RIMS2: variants seen among roughly 807,000 people sequenced by gnomAD.
RIMS2 encodes regulating synaptic membrane exocytosis protein 2.
RIMS2 carries 59 observed loss-of-function variants against 174.4 expected under a neutral mutation model. The observed-to-expected ratio is 0.34, with a 90% CI of 0.27 to 0.42. The LOEUF (loss-of-function observed/expected upper bound fraction) is 0.42. Ranked by LOEUF, RIMS2 falls within the 10% of genes least tolerant of loss-of-function variation. RIMS2 has a pLI of 1.00. For missense variants in RIMS2, 1,620 were observed against 1,666.3 expected (o/e 0.97, Z 0.48); for synonymous variants, 606 against 572.5 (o/e 1.06, Z -0.84).
Position 104,114,805 on chromosome 8 carries a change from A to G in RIMS2, c.3334+100190A>G, listed in dbSNP as rs28373733. On this transcript the variant is annotated intron_variant, in intron 19 of 23. Coordinates refer to ENST00000504942, the Ensembl canonical transcript of RIMS2. ...AATATGCTTACAGTATTTTTATTCA[A>G]TTTTTATAATCATTTAAGTTTTTCA... 5.3e-3 allele frequency among the ~76,000 whole-genome samples: 804 copies of G among 152,082 alleles called. 6 individuals are homozygous for G. The highest frequency in any genetic ancestry group is 0.018 in the African/African-American group (732 of 41,570).
intron 19 of RIMS2, among the ~76,000 whole-genome samples, chr8:104,169,577 T>C (rs1392644672): frequency 6.6e-6 from 1 of 151,898 alleles, no homozygotes; most frequent in African/African-American, 2.4e-5. Context: ...TCTCTTCTTT[T>C]CTTGGTTATT....
chr8:104,097,469 A>G (rs77214923), intron 19 of RIMS2, among the ~76,000 whole-genome samples: 1 of 152,290 alleles, frequency 6.6e-6, no homozygotes, highest in African/African-American at 2.4e-5. Flanking sequence ...ACCAGTAGTC[A>G]CTTTCTTGCA....
At chr8:104,098,263 TA>T (rs1237647080) in intron 19 of RIMS2, among the ~76,000 whole-genome samples, 1 of 152,176 alleles carries the variant, frequency 6.6e-6, no homozygotes, top group Non-Finnish European at 1.5e-5. Flanking sequence ...TTAAAAAGTT[TA>T]ATGAAATTAA....
downstream of RIMS2, chr8:104,252,773 A>G (rs367554661): frequency 6.6e-6 from 1 of 152,206 alleles, no homozygotes; most frequent in East Asian, 1.9e-4. Flanking sequence ...ATTTATTTCC[A>G]TGTTAAATAT....
exon 9 of RIMS2, chr8:103,918,474 A>C (rs766227824): frequency 7.3e-5 from 117 of 1,606,156 alleles, no homozygotes; most frequent in Non-Finnish European, 9.4e-5. Flanking sequence ...GCACACATGC[A>C]CAACTGGAGT....
At chr8:103,754,388 A>C (rs931897941) in intron 2 of RIMS2, among the ~76,000 whole-genome samples, 1 of 152,316 alleles carries the variant, frequency 6.6e-6, no homozygotes, top group Non-Finnish European at 1.5e-5. Flanking sequence ...TGTGGTGCTG[A>C]GAAGAATGTA....
intron 17 of RIMS2, among the ~76,000 whole-genome samples, chr8:104,001,041 T>C (rs2095363420): frequency 6.6e-6 from 1 of 151,952 alleles, no homozygotes; most frequent in African/African-American, 2.4e-5. Context: ...TATTGTTTTC[T>C]AAACTGTACA....
intron 3 of RIMS2, among the ~76,000 whole-genome samples, chr8:103,825,383 G>C (rs2098782863): frequency 6.6e-6 from 1 of 151,472 alleles, no homozygotes; most frequent in African/African-American, 2.4e-5. Context: ...AAGCTCAAGT[G>C]ATCCTCCCAC....
intron 17 of RIMS2, among the ~76,000 whole-genome samples, chr8:103,997,245 G>T (rs181430763): frequency 2.4e-3 from 365 of 151,850 alleles, no homozygotes; most frequent in Non-Finnish European, 4.3e-3. Flanking sequence ...TTATTTTTAG[G>T]ATTAAGTGCA....
intron 19 of RIMS2, among the ~76,000 whole-genome samples, chr8:104,042,793 G>A (rs897703077): frequency 6.6e-6 from 1 of 151,528 alleles, no homozygotes; most frequent in African/African-American, 2.4e-5. Flanking sequence ...TGGAATTCAG[G>A]AGAGAAGTCT....
intron 1 of RIMS2, among the ~76,000 whole-genome samples, chr8:103,558,790 C>A (rs1246664052): frequency 2.0e-5 from 3 of 151,886 alleles, no homozygotes; most frequent in Admixed American, 1.3e-4. Flanking sequence ...AATGGCTGAC[C>A]CAAACAATAT....
chr8:103,588,823 G>A lies in RIMS2; in HGVS notation c.176+87761G>A, dbSNP rs183210008. The stretch of plus-strand genomic sequence containing the variant: ...TGAAACTACCACAAGAAAACATTGG[G>A]GAAGATATTTAGGATATTGGTCTGG... On this transcript the variant is annotated intron_variant, in intron 1 of 23. Coordinates refer to ENST00000504942, the Ensembl canonical transcript of RIMS2. Among the ~76,000 whole-genome samples, 135 of 151,852 alleles carry A rather than the reference G, an allele frequency of 8.9e-4. 1 individual carries two copies. The highest frequency in any genetic ancestry group is 2.9e-3 in the African/African-American group (119 of 41,494).
rs115526039 is a variant in RIMS2 at position 103,991,656 on chromosome 8, T to A, written c.3044+2235T>A. 4.9e-3 allele frequency among the ~76,000 whole-genome samples: 750 copies of A among 152,220 alleles called. 11 individuals are homozygous for A. The highest frequency in any genetic ancestry group is 0.016 in the African/African-American group (679 of 41,540). ...AGATAATAATAGTAATTTAGGTCTT[T>A]TGAGAGGTACAATAACTAACCTTTC... On this transcript the variant is annotated intron_variant, in intron 17 of 23. Transcript: ENST00000504942.
intron 19 of RIMS2, among the ~76,000 whole-genome samples, chr8:104,189,139 G>A (rs1450007396): frequency 6.6e-6 from 1 of 151,928 alleles, no homozygotes; most frequent in African/African-American, 2.4e-5. Context: ...ACAATAAGCA[G>A]CCAGACTTTT....
intron 1 of RIMS2, among the ~76,000 whole-genome samples, chr8:103,667,120 G>C (rs1013036545): frequency 5.9e-5 from 9 of 152,142 alleles, no homozygotes; most frequent in Non-Finnish European, 1.3e-4. Context: ...CAAAGAATAA[G>C]CTAGATAAAG....
chr8:104,140,032 G>T (rs1467192015), intron 19 of RIMS2, among the ~76,000 whole-genome samples: 3 of 152,006 alleles, frequency 2.0e-5, no homozygotes, highest in Admixed American at 2.0e-4. Context: ...TATGGTTTTT[G>T]TCCTTCATTC....
intron 1 of RIMS2, among the ~76,000 whole-genome samples, chr8:103,509,962 A>C (rs1426703850): frequency 6.6e-6 from 1 of 152,220 alleles, no homozygotes; most frequent in Non-Finnish European, 1.5e-5. Context: ...GTATAGTTAC[A>C]TGGTTATAAA....
At chr8:103,811,744 C>T (rs1159898765) in intron 3 of RIMS2, among the ~76,000 whole-genome samples, 1 of 152,230 alleles carries the variant, frequency 6.6e-6, no homozygotes, top group Non-Finnish European at 1.5e-5. Context: ...CCACACCCAG[C>T]TGTTGCGAGG....
chr8:103,991,305 T>C (rs1241258695), intron 17 of RIMS2, among the ~76,000 whole-genome samples: 1 of 151,546 alleles, frequency 6.6e-6, no homozygotes, highest in Non-Finnish European at 1.5e-5. Flanking sequence ...CCTTAAATCC[T>C]TTTTTCAAAT....
Sources: allele counts gnomAD v4.1 joint callset (sites outside exome capture counted in the v4.1 genomes callset), GRCh38; gene constraint gnomAD v4.1.1; transcripts MANE v1.5; gene names NCBI Gene and HGNC (gene_info 2026-07-23, HGNC 2026-07-21).